NRXN1: variants seen among roughly 807,000 people sequenced by gnomAD.
NRXN1 encodes neurexin 1.
A neutral mutation model predicts 150.9 loss-of-function variants in NRXN1; 39 were observed. The observed-to-expected ratio is 0.26, with a 90% CI of 0.20 to 0.34. NRXN1 has a LOEUF of 0.34. Ranked by LOEUF, NRXN1 falls within the 10% of genes least tolerant of loss-of-function variation. The probability of loss-of-function intolerance (pLI) is 1.00; values close to 1 mark genes in which losing one functional copy is unlikely to be tolerated. For synonymous variants in NRXN1, 924 were observed against 757.0 expected, an observed-to-expected ratio of 1.22 and a Z score of -3.62; for missense variants, 1,815 against 1,949.9, an observed-to-expected ratio of 0.93 and a Z score of 1.30.
intron 21 of NRXN1, among the ~76,000 whole-genome samples, chr2:50,019,947 C>CAAAAAAAAAAAAAAAAAAAAAA (rs1161865745): frequency 2.3e-5 from 1 of 43,358 alleles, no homozygotes; most frequent in Non-Finnish European, 4.9e-5. Context: ...GACTCCGTCT[C>CAAAAAAAAAAAAAAAAAAAAAA]AAAAAAAAAA....
chr2:50,859,205 A>C (rs982136344), intron 5 of NRXN1, among the ~76,000 whole-genome samples: 8 of 151,928 alleles, frequency 5.3e-5, no homozygotes, highest in Non-Finnish European at 1.2e-4. Context: ...GGGTCCAGGA[A>C]AGCCAGGTCT....
chr2:50,465,582 A>T, intron 16 of NRXN1, 21 bp from the exon 17 acceptor site: 1 of 1,588,152 alleles, frequency 6.3e-7, no homozygotes, highest in Non-Finnish European at 8.6e-7. Context: ...ATCCAAAGGA[A>T]ACTTGGGTTC....
At chr2:50,403,578 T>A (rs959183839) in intron 17 of NRXN1, among the ~76,000 whole-genome samples, 2 of 152,050 alleles carry the variant, frequency 1.3e-5, no homozygotes, top group Non-Finnish European at 2.9e-5. Context: ...AGAAATTAAA[T>A]TAGAAGGAAA....
chr2:50,158,064 AGTGTGT>A (rs71401060), intron 18 of NRXN1, among the ~76,000 whole-genome samples: 6,136 of 133,992 alleles, frequency 0.046, 140 homozygotes, highest in Middle Eastern at 0.084. Context: ...TAAGAAGTTG[AGTGTGT>A]GTGTGTGTGT....
intron 21 of NRXN1, among the ~76,000 whole-genome samples, chr2:49,955,477 G>T (rs1236680292): frequency 1.2e-4 from 19 of 152,054 alleles, no homozygotes; most frequent in Admixed American, 1.2e-3. Flanking sequence ...TTAGAAGGAA[G>T]GCAAAGCTAA....
intron 17 of NRXN1, among the ~76,000 whole-genome samples, chr2:50,438,576 T>C: frequency 6.6e-6 from 1 of 152,230 alleles, no homozygotes; most frequent in East Asian, 1.9e-4. Flanking sequence ...TTTTCTCACA[T>C]TATGAGTGTG....
At position 50,296,171 on chromosome 2, in the gene NRXN1, T is replaced by C. The variant is rs114529358; in HGVS notation, c.3365-59201A>G. On this transcript the variant is annotated intron_variant, in intron 17 of 22. Transcript: ENST00000401669. ...CTACTTGATAAGTAATCATTTTAGATAAATTATAGATTGATTACATTTAAT... is the reference window on the plus strand; with the variant it reads ...CTACTTGATAAGTAATCATTTTAGACAAATTATAGATTGATTACATTTAAT... Among the ~76,000 whole-genome samples the C allele has an allele frequency of 3.8e-3, 581 of 152,334 alleles. 1 individual carries two copies. Among genetic ancestry groups the C allele is most frequent in the African/African-American group, 0.013 (552 of 41,576 alleles).
In NRXN1 at chr2:49,998,067, C is replaced by A. The variant is rs532937819; in HGVS notation, c.4129-54276G>T. Among the ~76,000 whole-genome samples the A allele has an allele frequency of 7.2e-5, 11 of 152,172 alleles. No homozygotes were observed. In the East Asian group the frequency reaches 1.4e-3, roughly 19 times the overall value. On this transcript the variant is annotated intron_variant, in intron 21 of 22. Transcript: ENST00000401669. ...CCAACAGAAATGCCATGATGTTTAG[C>A]CATCAAGCAGAAATTTCAGGGACAA...
At chr2:50,324,710 T>C (rs953351707) in intron 17 of NRXN1, among the ~76,000 whole-genome samples, 11 of 152,166 alleles carry the variant, frequency 7.2e-5, no homozygotes, top group African/African-American at 2.7e-4. Flanking sequence ...CCCGGCTAAG[T>C]GTGTAAGTCA....
chr2:50,212,592 C>T (rs570085087), intron 18 of NRXN1, among the ~76,000 whole-genome samples: 4 of 151,772 alleles, frequency 2.6e-5, no homozygotes, highest in Admixed American at 6.6e-5. Context: ...AAATCTGTAG[C>T]CTCAAAATTG....
At chr2:50,345,151 A>G (rs1361236761) in intron 17 of NRXN1, among the ~76,000 whole-genome samples, 1 of 152,224 alleles carries the variant, frequency 6.6e-6, no homozygotes, top group Non-Finnish European at 1.5e-5. Context: ...TCTCCATACT[A>G]GACACTCTTA....
intron 2 of NRXN1, among the ~76,000 whole-genome samples, chr2:51,006,143 G>A (rs1700689795): frequency 6.6e-6 from 1 of 151,806 alleles, no homozygotes; most frequent in Non-Finnish European, 1.5e-5. Flanking sequence ...AAGAACCTGT[G>A]TAGTTGTCTC....
At chr2:50,397,098 G>T (rs140451338) in intron 17 of NRXN1, among the ~76,000 whole-genome samples, 2,065 of 152,200 alleles carry the variant, frequency 0.014, 26 homozygotes, top group Middle Eastern at 0.034. Context: ...GCACTCTGCT[G>T]AGTGTTCTGG....
intron 8 of NRXN1, among the ~76,000 whole-genome samples, chr2:50,611,349 G>C (rs1573780907): frequency 6.6e-6 from 1 of 152,092 alleles, no homozygotes; most frequent in Non-Finnish European, 1.5e-5. Context: ...CCAGGCTATG[G>C]GGCATCTGCT....
chr2:49,930,803 G>C (rs1669992805), intron 22 of NRXN1, among the ~76,000 whole-genome samples: 2 of 152,150 alleles, frequency 1.3e-5, no homozygotes, highest in African/African-American at 4.8e-5. Flanking sequence ...TTTGTAACTT[G>C]ATAAATTTTC....
At chr2:51,021,771 C>G (rs956574831) in intron 2 of NRXN1, among the ~76,000 whole-genome samples, 3 of 151,852 alleles carry the variant, frequency 2.0e-5, no homozygotes, top group African/African-American at 7.3e-5. Context: ...ATTTGATAGA[C>G]AATGTACTAT....
At chr2:50,199,609 GTCTC>G (rs1490047826) in intron 18 of NRXN1, among the ~76,000 whole-genome samples, 1 of 151,636 alleles carries the variant, frequency 6.6e-6, no homozygotes, top group Non-Finnish European at 1.5e-5. Flanking sequence ...GTATATTAGT[GTCTC>G]TATTTAAGTT....
intron 5 of NRXN1, among the ~76,000 whole-genome samples, chr2:50,675,584 T>C (rs1484719382): frequency 2.0e-5 from 3 of 152,158 alleles, no homozygotes; most frequent in Non-Finnish European, 4.4e-5. Flanking sequence ...AACAGTGAAA[T>C]ATGTTAAATC....
rs182769709 is a variant in NRXN1, at chr2:50,078,327, T to C, written c.3718+12996A>G. Among the ~76,000 whole-genome samples the C allele has an allele frequency of 2.4e-4, 37 of 152,084 alleles. No homozygotes were observed. The East Asian group carries it at 7.2e-3, about 29-fold the overall frequency. On this transcript the variant is annotated intron_variant, in intron 19 of 22. Coordinates refer to ENST00000401669, the MANE Select transcript of NRXN1 (RefSeq NM_001330078.2). ...TTTTTTCTGAAATGTTATATAGAAT[T>C]GAGTAAAAGGTATTTTTAGGTGGAA... is the stretch of plus-strand genomic sequence containing the variant.
Sources: allele counts gnomAD v4.1 joint callset (sites outside exome capture counted in the v4.1 genomes callset), GRCh38; gene constraint gnomAD v4.1.1; transcripts MANE v1.5; gene names NCBI Gene and HGNC (gene_info 2026-07-23, HGNC 2026-07-21).